Variants in GPR35 observed in about 807,000 individuals in gnomAD.
The protein encoded by GPR35 is KYNA receptor.
For missense variants in GPR35, 372 were observed against 422.5 expected, an observed-to-expected ratio of 0.88 and a Z score of 1.05; for synonymous variants, 207 against 198.4, an observed-to-expected ratio of 1.04 and a Z score of -0.36.
Position 240,631,871 on chromosome 2 carries a change from G to C in GPR35, c.*989G>C, listed in dbSNP as rs138206937. ...CCCATATTGCATGTCCACAGGCACC[G>C]CCCCACCCTGTTCCATGTTCCACAG... On this transcript the variant is annotated 3_prime_UTR_variant, in exon 2 of 2. Transcript: ENST00000407714. Among the ~76,000 whole-genome samples, 30 of 152,206 alleles carry C rather than the reference G, an allele frequency of 2.0e-4. No homozygotes were observed. Among genetic ancestry groups the C allele is most frequent in the Admixed American group, 2.0e-3 (30 of 15,278 alleles).
In GPR35 at chr2:240,632,416, C is replaced by A. The variant is rs2043460068; in HGVS notation, c.*1534C>A. 6.6e-6 allele frequency among the ~76,000 whole-genome samples: 1 copy of A among 150,916 alleles called. No individual in the cohort carries two copies. The highest frequency in any genetic ancestry group is 1.5e-5 in the Non-Finnish European group (1 of 67,756). On this transcript the variant is annotated 3_prime_UTR_variant, in exon 2 of 2. Coordinates refer to ENST00000407714, the MANE Select transcript of GPR35 (RefSeq NM_005301.5). The stretch of plus-strand genomic sequence containing the variant: ...AGATTCATGCCTAGGAGGGTTCATG[C>A]CCAGGAGTGTCCCTGCCTAGGAAGA...
chr2:240,614,841 A>G (rs567465849), intron 2 of GPR35, among the ~76,000 whole-genome samples: 3 of 152,016 alleles, frequency 2.0e-5, no homozygotes, highest in Non-Finnish European at 4.4e-5. Context: ...TGTATGTTGT[A>G]TGTGTATATA....
chr2:240,622,962 C>T (rs11886370), upstream of GPR35, among the ~76,000 whole-genome samples: 59,342 of 152,100 alleles, frequency 0.39, 11,898 homozygotes, highest in South Asian at 0.54. Context: ...ACAGGCCTGG[C>T]CTGGACTGGA....
rs751668876 is a variant in GPR35, at chr2:240,630,473, C to T, written c.521C>T (p.Ala174Val). ...ACCCGGCACAATTTCAACTCCATGGCGTTCCCGCTGCTGGGATTCTACCTG... is the reference window on the plus strand; with the variant it reads ...ACCCGGCACAATTTCAACTCCATGGTGTTCCCGCTGCTGGGATTCTACCTG... ...RSTRHNFNSM[A>V]FPLLGFYLPL... is the part of the protein sequence containing the mutation. Residue 174 changes from alanine to valine, a missense_variant, in exon 2 of 2, where the codon GCG becomes GTG. Coordinates refer to ENST00000407714, the MANE Select transcript of GPR35 (RefSeq NM_005301.5). The T allele has an allele frequency of 6.8e-6, 11 of 1,612,800 alleles. No homozygotes were observed. Among genetic ancestry groups the T allele is most frequent in the South Asian group, 1.1e-5 (1 of 91,086 alleles).
At chr2:240,619,784 G>A (rs972085041) in intron 5 of GPR35, among the ~76,000 whole-genome samples, 31 of 152,226 alleles carry the variant, frequency 2.0e-4, no homozygotes, top group African/African-American at 4.8e-4. Flanking sequence ...ACCTTCCAGC[G>A]GCTGGCAGGC....
In GPR35 at chr2:240,631,116, C is replaced by G. The variant is rs1341805982; in HGVS notation, c.*234C>G. On this transcript the variant is annotated 3_prime_UTR_variant, in exon 2 of 2. Coordinates refer to ENST00000407714, the MANE Select transcript of GPR35 (RefSeq NM_005301.5). ...CAGAGCAAGGCCAATGTCAGAGACC[C>G]CCGGGATGGGGCCTCACACTTGCCA... 3.5e-6 allele frequency: 2 copies of G among 572,704 alleles called. No homozygotes were observed. The highest frequency in any genetic ancestry group is 3.8e-5 in the African/African-American group (2 of 53,278). The allele number at this position is 572,704 out of a possible 1,614,324, so 35.5% of individuals were successfully genotyped here.
upstream of GPR35, among the ~76,000 whole-genome samples, chr2:240,621,546 C>T (rs2043294721): frequency 6.6e-6 from 1 of 152,192 alleles, no homozygotes; most frequent in East Asian, 1.9e-4. Flanking sequence ...AGCCACTGCA[C>T]CCAGCCAATG....
chr2:240,627,478 T>G (rs373752877), intron 1 of GPR35: 1 of 152,290 alleles, frequency 6.6e-6, no homozygotes, highest in South Asian at 2.1e-4. Context: ...TTTTTTCTTC[T>G]TCTTAGAGAT....
Position 240,630,475 on chromosome 2 carries a change from T to C in GPR35, c.523T>C (p.Phe175Leu). The C allele has an allele frequency of 6.2e-7, 1 of 1,612,918 alleles. No homozygotes were observed. Among genetic ancestry groups the C allele is most frequent in the Non-Finnish European group, 8.5e-7 (1 of 1,179,968 alleles). Reference sequence around the variant, plus strand: ...CCGGCACAATTTCAACTCCATGGCGTTCCCGCTGCTGGGATTCTACCTGCC... The same window carrying C: ...CCGGCACAATTTCAACTCCATGGCGCTCCCGCTGCTGGGATTCTACCTGCC... ...STRHNFNSMAFPLLGFYLPLA... is the reference protein window; with the variant it reads ...STRHNFNSMALPLLGFYLPLA... The change falls in exon 2 of 2, where the codon TTC becomes CTC. Residue 175 changes from phenylalanine (F) to leucine (L), a missense_variant. Physicochemically the swap from Phe to Leu is conservative, Grantham distance 22. Coordinates refer to ENST00000407714, the MANE Select transcript of GPR35 (RefSeq NM_005301.5).
At chr2:240,615,712 A>G (rs1368870859) in intron 2 of GPR35, among the ~76,000 whole-genome samples, 3 of 152,248 alleles carry the variant, frequency 2.0e-5, no homozygotes, top group Admixed American at 6.5e-5. Context: ...TGACCACAGT[A>G]AGCATTATCA....
chr2:240,619,861 G>T (rs2043274120), intron 5 of GPR35, among the ~76,000 whole-genome samples: 1 of 152,192 alleles, frequency 6.6e-6, no homozygotes, highest in Non-Finnish European at 1.5e-5. Context: ...TAGGAGTGAG[G>T]ATCTTAGGAG....
At chr2:240,614,692 C>T (rs2043221722) in intron 2 of GPR35, among the ~76,000 whole-genome samples, 2 of 152,192 alleles carry the variant, frequency 1.3e-5, no homozygotes, top group Non-Finnish European at 2.9e-5. Context: ...TAGGGAGGGA[C>T]CGGGTAGGCG....
In GPR35 at chr2:240,630,255, C is replaced by A; in HGVS notation, c.303C>A (p.Tyr101Ter). The change falls in exon 2 of 2, where the codon TAC (tyrosine) becomes TAA (stop). Residue 101 changes from tyrosine to a stop codon, truncating the protein, a stop_gained. Coordinates refer to ENST00000407714, the MANE Select transcript of GPR35 (RefSeq NM_005301.5). LOFTEE classifies it low-confidence loss of function (END_TRUNC). The stretch of plus-strand genomic sequence containing the variant: ...AGGGCATCTACCTGACCAACAGGTA[C>A]ATGAGCATCAGCCTGGTCACGGCCA... ...LSQGIYLTNR[Y>*]MSISLVTAIA... The A allele has an allele frequency of 6.4e-7, 1 of 1,564,182 alleles. No homozygotes were observed.
intron 2 of GPR35, chr2:240,616,339 G>T (rs2043236611): frequency 1.4e-6 from 1 of 734,544 alleles, no homozygotes; most frequent in Non-Finnish European, 2.5e-6. Flanking sequence ...CATACCTGTT[G>T]GGTTCTTAGT....
At chr2:240,613,096 G>T (rs981981580) in intron 2 of GPR35, among the ~76,000 whole-genome samples, 1 of 152,210 alleles carries the variant, frequency 6.6e-6, no homozygotes, top group African/African-American at 2.4e-5. Flanking sequence ...CAAGGAGTGA[G>T]GCAGAGCCTG....
At chr2:240,612,217 T>G (rs998964459) in intron 2 of GPR35, among the ~76,000 whole-genome samples, 2 of 149,988 alleles carry the variant, frequency 1.3e-5, no homozygotes, top group African/African-American at 4.9e-5. Flanking sequence ...GATCATGAGG[T>G]GAGGAGATCG....
At chr2:240,614,180 T>G (rs2043217890) in intron 2 of GPR35, among the ~76,000 whole-genome samples, 1 of 151,904 alleles carries the variant, frequency 6.6e-6, no homozygotes, top group Non-Finnish European at 1.5e-5. Context: ...ACCCAAACCC[T>G]AATCCTAAGT....
chr2:240,621,386 C>A (rs1158760379), upstream of GPR35, among the ~76,000 whole-genome samples: 1 of 152,164 alleles, frequency 6.6e-6, no homozygotes, highest in Non-Finnish European at 1.5e-5. Context: ...TCCCGAGTAG[C>A]TGGGACTACA....
upstream of GPR35, chr2:240,625,275 TG>T: frequency 1.0e-6 from 1 of 985,494 alleles, no homozygotes; most frequent in East Asian, 1.1e-4. Flanking sequence ...GCAAGGATGC[TG>T]GCTCTTCAGA....
Sources: gnomAD v4.1 joint callset for allele counts (sites outside exome capture counted in the v4.1 genomes callset) on GRCh38, gnomAD v4.1.1 for gene constraint, MANE v1.5 for transcripts, NCBI Gene and HGNC (gene_info 2026-07-23, HGNC 2026-07-21) for gene names.